PMFBP1: variants seen among roughly 807,000 people sequenced by gnomAD.
PMFBP1 encodes polyamine modulated factor 1 binding protein 1.
Under a neutral mutation model 137.8 loss-of-function variants are expected in PMFBP1, and 131 were observed. The observed-to-expected ratio is 0.95, with a 90% confidence interval of 0.82 to 1.10. The LOEUF (loss-of-function observed/expected upper bound fraction) is 1.10. Ranked by LOEUF, PMFBP1 falls within the 50% of genes least tolerant of loss-of-function variation. The pLI, the probability that PMFBP1 is intolerant of heterozygous loss-of-function variation, is 0.00. For missense variants in PMFBP1, 1,199 were observed against 1,175.4 expected, an observed-to-expected ratio of 1.02 and a Z score of -0.29; for synonymous variants, 490 against 450.4, an observed-to-expected ratio of 1.09 and a Z score of -1.11.
intron 7 of PMFBP1, among the ~76,000 whole-genome samples, chr16:72,137,727 G>C (rs577023732): frequency 6.6e-6 from 1 of 152,288 alleles, no homozygotes; most frequent in African/African-American, 2.4e-5. Context: ...GAAGGAGAGG[G>C]GATGCCTTCC....
At chr16:72,215,171 G>C in the PMFBP1 span, among the ~76,000 whole-genome samples, 1 of 152,198 alleles carries the variant, frequency 6.6e-6, no homozygotes, top group African/African-American at 2.4e-5. Flanking sequence ...TCCAGAAAAA[G>C]AAAACTGAGA....
chr16:72,137,756 A>C (rs77683685), intron 7 of PMFBP1, among the ~76,000 whole-genome samples: 5,630 of 152,230 alleles, frequency 0.037, 312 homozygotes, highest in African/African-American at 0.13. Flanking sequence ...AGAAGGCAGG[A>C]ACATGTGGCT....
At chr16:72,197,734 G>A in the PMFBP1 span, among the ~76,000 whole-genome samples, 1 of 152,166 alleles carries the variant, frequency 6.6e-6, no homozygotes, top group Non-Finnish European at 1.5e-5. Context: ...CCCTGCTGAG[G>A]ATTGACTAAG....
chr16:72,198,288 T>C, the PMFBP1 span, among the ~76,000 whole-genome samples: 1 of 152,162 alleles, frequency 6.6e-6, no homozygotes, highest in East Asian at 1.9e-4. Context: ...CTTCCAGCTA[T>C]TGTGCAGAAT....
At position 72,140,681 on chromosome 16, in the gene PMFBP1, G is replaced by A. The variant is rs2042705370; in HGVS notation, c.637-99C>T. On this transcript the variant is annotated intron_variant, in intron 5 of 20. Coordinates refer to ENST00000237353, the MANE Select transcript of PMFBP1 (RefSeq NM_031293.3). ...AAATCTCTAGACCTATATTCTAAAG[G>A]TATATGTTCATATATGGAAATCATG... The A allele has an allele frequency of 2.7e-6, 3 of 1,102,636 alleles. No homozygotes were observed. In the Admixed American group the frequency reaches 6.7e-5, roughly 25 times the overall value. The allele number at this position is 1,102,636 out of a possible 1,614,324, so 68.3% of individuals were successfully genotyped here.
chr16:72,166,863 A>G (rs2043152116), intron 2 of PMFBP1, among the ~76,000 whole-genome samples: 1 of 152,244 alleles, frequency 6.6e-6, no homozygotes, highest in African/African-American at 2.4e-5. Flanking sequence ...TCTAAAGGCA[A>G]TTCTTCTAAG....
chr16:72,184,828 G>A, the PMFBP1 span, among the ~76,000 whole-genome samples: 2 of 152,054 alleles, frequency 1.3e-5, no homozygotes, highest in Non-Finnish European at 2.9e-5. Flanking sequence ...ACCATGTCCT[G>A]CCTATTGGAT....
downstream of PMFBP1, among the ~76,000 whole-genome samples, chr16:72,117,035 A>C (rs2042315127): frequency 4.6e-5 from 1 of 21,714 alleles, no homozygotes; most frequent in South Asian, 1.8e-3. Flanking sequence ...CTATTTCTGC[A>C]AAAAAAAAAA....
At chr16:72,206,754 ACGATTACCGTAGCTAAAAG>A in the PMFBP1 span, among the ~76,000 whole-genome samples, 1 of 152,272 alleles carries the variant, frequency 6.6e-6, no homozygotes, top group Admixed American at 6.5e-5. Context: ...CAACGTGCCA[ACGATTACCGTAGCTAAAAG>A]TAACAATAGC....
the PMFBP1 span, among the ~76,000 whole-genome samples, chr16:72,186,736 A>G: frequency 6.6e-6 from 1 of 152,212 alleles, no homozygotes; most frequent in African/African-American, 2.4e-5. Flanking sequence ...TGTGAAATCT[A>G]TTTCTTTAAT....
the PMFBP1 span, among the ~76,000 whole-genome samples, chr16:72,203,830 G>A: frequency 1.3e-5 from 2 of 152,054 alleles, no homozygotes; most frequent in Non-Finnish European, 2.9e-5. Context: ...ACTTCCTTAC[G>A]ACTGACCCTT....
intron 5 of PMFBP1, 28 bp downstream of exon 5, chr16:72,150,580 G>C (rs1241320932): frequency 6.2e-7 from 1 of 1,605,652 alleles, no homozygotes; most frequent in South Asian, 1.1e-5. Flanking sequence ...CCACTTGCCT[G>C]GATTGAATGG....
chr16:72,239,167 C>T, the PMFBP1 span, among the ~76,000 whole-genome samples: 3 of 152,110 alleles, frequency 2.0e-5, no homozygotes, highest in Admixed American at 6.6e-5. Flanking sequence ...CTCCTGATGG[C>T]TCTCTAAGCA....
chr16:72,135,059 G>C (rs2042603225), intron 9 of PMFBP1, among the ~76,000 whole-genome samples: 1 of 152,154 alleles, frequency 6.6e-6, no homozygotes, highest in East Asian at 1.9e-4. Context: ...TGTTTACGCA[G>C]ACTCCGTGCC....
At chr16:72,233,239 A>C in the PMFBP1 span, among the ~76,000 whole-genome samples, 1 of 152,150 alleles carries the variant, frequency 6.6e-6, no homozygotes, top group Non-Finnish European at 1.5e-5. Flanking sequence ...CCTAGCCCTA[A>C]TCCAAACCAC....
At chr16:72,140,928 C>T (rs1486877032) in intron 5 of PMFBP1, among the ~76,000 whole-genome samples, 221 of 69,680 alleles carry the variant, frequency 3.2e-3, no homozygotes, top group African/African-American at 3.6e-3. Flanking sequence ...ACAAATGAGT[C>T]TTTTTTTTTT....
chr16:72,138,674 C>A (rs925741321), intron 7 of PMFBP1, among the ~76,000 whole-genome samples: 2 of 152,050 alleles, frequency 1.3e-5, no homozygotes, highest in East Asian at 3.9e-4. Flanking sequence ...CACCACCACA[C>A]CTGGCTAATT....
At chr16:72,243,263 T>C in the PMFBP1 span, among the ~76,000 whole-genome samples, 10,177 of 152,296 alleles carry the variant, frequency 0.067, 394 homozygotes, top group South Asian at 0.11. Flanking sequence ...AGTGATGTTA[T>C]GTGCTGTCAA....
At position 72,122,768 on chromosome 16, in the gene PMFBP1, G is replaced by A. The variant is rs555826897; in HGVS notation, c.2768+146C>T. ...GTGATATACCCAAGGTCACATAGAT[G>A]CAGATTCGAGACCTGGGGGTCTTTC... On this transcript the variant is annotated intron_variant, in intron 19 of 20. Transcript: ENST00000237353. 2.0e-3 allele frequency: 1,308 copies of A among 659,508 alleles called. 14 individuals are homozygous for A. In the African/African-American group the frequency reaches 0.02, roughly 10 times the overall value. 40.9% of individuals were successfully genotyped at this position (659,508 alleles called of 1,614,324 possible).
Sources: gnomAD v4.1 joint callset for allele counts (sites outside exome capture counted in the v4.1 genomes callset) on GRCh38, gnomAD v4.1.1 for gene constraint, MANE v1.5 for transcripts, NCBI Gene and HGNC (gene_info 2026-07-23, HGNC 2026-07-21) for gene names.